The following CTNNA3 variants were observed in gnomAD, a reference collection of about 807,000 sequenced individuals.
CTNNA3 encodes the protein catenin alpha-3.
Under a neutral mutation model 95.7 loss-of-function variants are expected in CTNNA3, and 76 were observed. The observed-to-expected ratio is 0.79, with a 90% confidence interval of 0.66 to 0.96. The LOEUF (loss-of-function observed/expected upper bound fraction) is 0.96. Among genes scored for constraint, CTNNA3 ranks in the 40% least tolerant of loss-of-function variants. The probability of loss-of-function intolerance (pLI) is 0.00; values close to 1 mark genes in which losing one functional copy is unlikely to be tolerated. For synonymous variants in CTNNA3, 431 were observed against 374.4 expected (o/e 1.15, Z -1.74); for missense variants, 1,191 against 1,089.8 (o/e 1.09, Z -1.31).
intron 7 of CTNNA3, among the ~76,000 whole-genome samples, chr10:67,112,558 T>C (rs558062044): frequency 2.1e-4 from 32 of 152,218 alleles, no homozygotes; most frequent in South Asian, 1.0e-3. Flanking sequence ...AGCTGATTTG[T>C]ATTTCAGAGA....
At chr10:66,902,289 A>C (rs1010931563) in intron 7 of CTNNA3, among the ~76,000 whole-genome samples, 1 of 152,194 alleles carries the variant, frequency 6.6e-6, no homozygotes, top group African/African-American at 2.4e-5. Flanking sequence ...CTACTGGGTA[A>C]ATAACGAAAT....
intron 5 of CTNNA3, among the ~76,000 whole-genome samples, chr10:67,321,167 A>G (rs890318341): frequency 2.0e-5 from 3 of 152,240 alleles, no homozygotes; most frequent in Admixed American, 6.5e-5. Flanking sequence ...AAGGTAGCCA[A>G]TTTCAAAGAG....
At chr10:66,105,923 G>A (rs1429626299) in intron 13 of CTNNA3, among the ~76,000 whole-genome samples, 1 of 152,126 alleles carries the variant, frequency 6.6e-6, no homozygotes, top group Admixed American at 6.6e-5. Flanking sequence ...AACTCCTTCA[G>A]CACTAAACAC....
chr10:66,928,738 A>G (rs1294402130), intron 7 of CTNNA3, among the ~76,000 whole-genome samples: 2 of 152,228 alleles, frequency 1.3e-5, no homozygotes, highest in Non-Finnish European at 2.9e-5. Context: ...TGATTCCATT[A>G]ATGTCGCATT....
intron 13 of CTNNA3, among the ~76,000 whole-genome samples, chr10:66,217,884 T>C (rs1412187834): frequency 3.9e-5 from 6 of 151,982 alleles, no homozygotes; most frequent in Admixed American, 3.3e-4. Flanking sequence ...GCCTGAAGAC[T>C]GAAAAACCAG....
At chr10:66,252,316 T>G (rs1295630157) in intron 13 of CTNNA3, among the ~76,000 whole-genome samples, 2 of 152,218 alleles carry the variant, frequency 1.3e-5, no homozygotes, top group Non-Finnish European at 2.9e-5. Flanking sequence ...GCATCAAATG[T>G]TTAAATATTT....
chr10:66,403,441 A>T (rs1323619865), intron 11 of CTNNA3, among the ~76,000 whole-genome samples: 1 of 152,200 alleles, frequency 6.6e-6, no homozygotes, highest in African/African-American at 2.4e-5. Context: ...GTGAAGGAGA[A>T]GCAAGCACTT....
At chr10:67,079,858 AACACACACACACACACAC>A (rs199928311) in intron 7 of CTNNA3, among the ~76,000 whole-genome samples, 9,098 of 141,328 alleles carry the variant, frequency 0.064, 365 homozygotes, top group South Asian at 0.14. Flanking sequence ...AAAAAAACAA[AACACACACACACACACAC>A]ACACACACAC....
intron 7 of CTNNA3, among the ~76,000 whole-genome samples, chr10:67,078,391 A>G (rs1259181972): frequency 6.6e-6 from 1 of 152,208 alleles, no homozygotes; most frequent in Non-Finnish European, 1.5e-5. Flanking sequence ...GGAAATGAGA[A>G]AGAAAATGAT....
At chr10:67,072,238 G>A (rs1856505523) in intron 7 of CTNNA3, among the ~76,000 whole-genome samples, 1 of 152,182 alleles carries the variant, frequency 6.6e-6, no homozygotes, top group African/African-American at 2.4e-5. Flanking sequence ...ATAGGCATAA[G>A]CCACCATGCC....
intron 7 of CTNNA3, among the ~76,000 whole-genome samples, chr10:66,808,338 T>G (rs74324843): frequency 0.011 from 1,725 of 152,228 alleles, 37 homozygotes; most frequent in African/African-American, 0.039. Flanking sequence ...ACAATTTTGT[T>G]TAGACCACAC....
chr10:67,327,321 G>C (rs1050021657), intron 5 of CTNNA3, among the ~76,000 whole-genome samples: 1 of 152,160 alleles, frequency 6.6e-6, no homozygotes, highest in African/African-American at 2.4e-5. Context: ...AGTTATCAGG[G>C]TTCTTGTGCT....
At chr10:67,675,865 G>A (rs375241690) in intron 1 of CTNNA3, among the ~76,000 whole-genome samples, 1 of 151,822 alleles carries the variant, frequency 6.6e-6, no homozygotes, top group Non-Finnish European at 1.5e-5. Flanking sequence ...ATTAATTTTT[G>A]CATTAATGTA....
chr10:67,294,609 A>T, intron 5 of CTNNA3, among the ~76,000 whole-genome samples: 1 of 152,196 alleles, frequency 6.6e-6, no homozygotes, highest in East Asian at 1.9e-4. Flanking sequence ...AAGGAAAGGA[A>T]TTCTAAAAAA....
intron 7 of CTNNA3, among the ~76,000 whole-genome samples, chr10:66,910,098 G>A (rs1200428901): frequency 6.6e-6 from 1 of 152,158 alleles, no homozygotes; most frequent in Non-Finnish European, 1.5e-5. Flanking sequence ...TAATGTTTTA[G>A]ATACATCTTA....
intron 10 of CTNNA3, among the ~76,000 whole-genome samples, chr10:66,584,668 A>G (rs1843301710): frequency 6.6e-6 from 1 of 151,946 alleles, no homozygotes; most frequent in Non-Finnish European, 1.5e-5. Context: ...TTTAAAGTGG[A>G]GCATTTAGAC....
intron 6 of CTNNA3, among the ~76,000 whole-genome samples, chr10:67,200,806 T>C (rs886351285): frequency 1.3e-5 from 2 of 152,224 alleles, no homozygotes; most frequent in Admixed American, 6.5e-5. Flanking sequence ...ATACACATTA[T>C]ACCTTGTTAC....
At chr10:66,218,129 A>G (rs1298106715) in intron 13 of CTNNA3, among the ~76,000 whole-genome samples, 4 of 152,058 alleles carry the variant, frequency 2.6e-5, no homozygotes, top group Non-Finnish European at 5.9e-5. Flanking sequence ...CTTTTCACCT[A>G]ATAAGCCTGT....
intron 10 of CTNNA3, among the ~76,000 whole-genome samples, chr10:66,617,377 T>C (rs992211451): frequency 8.5e-5 from 13 of 152,106 alleles, no homozygotes; most frequent in African/African-American, 2.9e-4. Context: ...TCAAGTGGGC[T>C]TCATCCTGGG....
Sources: allele counts gnomAD v4.1 joint callset (sites outside exome capture counted in the v4.1 genomes callset), GRCh38; gene constraint gnomAD v4.1.1; transcripts MANE v1.5; gene names NCBI Gene and HGNC (gene_info 2026-07-23, HGNC 2026-07-21).